The following GRIP1 variants were observed in gnomAD, a reference collection of about 807,000 sequenced individuals.
The protein encoded by GRIP1 is glutamate receptor-interacting protein 1.
Under a neutral mutation model 129.9 loss-of-function variants are expected in GRIP1, and 45 were observed. The observed-to-expected ratio is 0.35, with a 90% CI of 0.27 to 0.44. The LOEUF (loss-of-function observed/expected upper bound fraction) is 0.44, where lower values mean the gene tolerates loss of function less well. GRIP1 is among the 20% of genes least tolerant of loss of function. The probability of loss-of-function intolerance (pLI) is 1.00; values close to 1 mark genes in which losing one functional copy is unlikely to be tolerated. For synonymous variants in GRIP1, 530 were observed against 520.8 expected, an observed-to-expected ratio of 1.02 and a Z score of -0.24; for missense variants, 1,196 against 1,396.8, an observed-to-expected ratio of 0.86 and a Z score of 2.29.
chr12:66,585,052 T>G (rs980046297), intron 2 of GRIP1, among the ~76,000 whole-genome samples: 3 of 152,084 alleles, frequency 2.0e-5, no homozygotes, highest in African/African-American at 7.2e-5. Flanking sequence ...TATATTTGAT[T>G]ATTTTATTAT....
chr12:66,747,733 A>G (rs1183067256), intron 1 of GRIP1, among the ~76,000 whole-genome samples: 3 of 152,180 alleles, frequency 2.0e-5, no homozygotes, highest in Admixed American at 1.3e-4. Flanking sequence ...TGGGTTTAAT[A>G]ATACCAACAT....
intron 1 of GRIP1, among the ~76,000 whole-genome samples, chr12:66,946,770 G>A (rs1214138801): frequency 3.4e-4 from 39 of 113,062 alleles, no homozygotes; most frequent in Non-Finnish European, 5.5e-4. Context: ...GGGGGTCGGG[G>A]GGTGGGGTGG....
intron 2 of GRIP1, among the ~76,000 whole-genome samples, chr12:66,577,823 C>T (rs990282556): frequency 1.3e-5 from 2 of 152,132 alleles, no homozygotes; most frequent in Admixed American, 6.6e-5. Context: ...GGCATAGTGG[C>T]ATGTGCCTGT....
intron 1 of GRIP1, among the ~76,000 whole-genome samples, chr12:67,029,931 G>A (rs1412283141): frequency 6.6e-6 from 1 of 151,822 alleles, no homozygotes; most frequent in Non-Finnish European, 1.5e-5. Flanking sequence ...CTGGCGCGGT[G>A]GCTCACGCCT....
At chr12:66,428,087 C>T (rs1019969984) in intron 14 of GRIP1, among the ~76,000 whole-genome samples, 1 of 152,164 alleles carries the variant, frequency 6.6e-6, no homozygotes. Context: ...CGCTGAAAAT[C>T]CTAGTGTCAC....
chr12:66,532,386 TC>T (rs1220182243), intron 4 of GRIP1, among the ~76,000 whole-genome samples: 1 of 152,168 alleles, frequency 6.6e-6, no homozygotes, highest in African/African-American at 2.4e-5. Flanking sequence ...GCAAAAATTC[TC>T]CTCGGTCTTT....
intron 1 of GRIP1, among the ~76,000 whole-genome samples, chr12:67,051,474 C>T (rs996726552): frequency 1.3e-5 from 2 of 152,158 alleles, no homozygotes; most frequent in African/African-American, 4.8e-5. Flanking sequence ...TTCCGTAATC[C>T]TACTGTGACT....
chr12:66,845,182 C>A (rs2039791238), intron 1 of GRIP1, among the ~76,000 whole-genome samples: 1 of 152,146 alleles, frequency 6.6e-6, no homozygotes, highest in African/African-American at 2.4e-5. Flanking sequence ...AGGGTCTGGG[C>A]ATGGTGACTC....
At chr12:66,422,245 C>A (rs911224036) in intron 14 of GRIP1, among the ~76,000 whole-genome samples, 18 of 152,176 alleles carry the variant, frequency 1.2e-4, no homozygotes, top group African/African-American at 4.3e-4. Context: ...TACCCACTGT[C>A]TAAATTAGTC....
rs1174970694 is a variant in GRIP1, at chr12:66,349,069, G to T, written c.3337C>A (p.Pro1113Thr). Residue 1113 changes from proline to threonine, a missense_variant, in exon 25 of 25, where the codon CCT (proline) becomes ACT (threonine). Around this residue, in one of 5 missense-constraint regions of GRIP1, gnomAD observed 427 missense variants for 463.3 expected, o/e 0.92. Coordinates refer to ENST00000359742, the MANE Select transcript of GRIP1 (RefSeq NM_001366722.1). The part of the protein sequence containing the change: ...SEQNSAFFQQ[P>T]SHGGNLETRE... ...GTCTCCAAATTACCACCGTGGCTAG[G>T]CTGCTGGAAAAAAGCACTGTTCTGT... The T allele has an allele frequency of 2.5e-6, 4 of 1,613,950 alleles. No homozygotes were observed. The highest frequency in any genetic ancestry group is 1.3e-5 in the African/African-American group (1 of 74,894).
At chr12:66,621,346 G>T (rs1482371141) in intron 1 of GRIP1, among the ~76,000 whole-genome samples, 2 of 152,112 alleles carry the variant, frequency 1.3e-5, no homozygotes, top group East Asian at 3.9e-4. Flanking sequence ...CTCACATAGG[G>T]CAGTGACATA....
intron 1 of GRIP1, among the ~76,000 whole-genome samples, chr12:66,929,923 T>G (rs1215980853): frequency 6.6e-6 from 1 of 152,202 alleles, no homozygotes; most frequent in Non-Finnish European, 1.5e-5. Context: ...ACTACATTTT[T>G]CATTATGCCA....
intron 14 of GRIP1, among the ~76,000 whole-genome samples, chr12:66,425,317 G>T (rs1356933374): frequency 2.0e-5 from 3 of 152,074 alleles, no homozygotes; most frequent in Admixed American, 2.0e-4. Context: ...AAAAAGTCAG[G>T]AAACAACAGG....
At chr12:66,542,123 G>A (rs2139225476) in intron 2 of GRIP1, among the ~76,000 whole-genome samples, 173 bp from the exon 3 acceptor site, 1 of 152,282 alleles carries the variant, frequency 6.6e-6, no homozygotes, top group South Asian at 2.1e-4. Flanking sequence ...TAATGCTGAG[G>A]CAGATATTCT....
chr12:66,778,828 A>G (rs1247398854), intron 1 of GRIP1, among the ~76,000 whole-genome samples: 2 of 152,202 alleles, frequency 1.3e-5, no homozygotes, highest in Non-Finnish European at 2.9e-5. Flanking sequence ...AGACATAGGA[A>G]AGGGAAAGGG....
intron 1 of GRIP1, among the ~76,000 whole-genome samples, chr12:66,880,588 T>A (rs955819288): frequency 2.0e-5 from 3 of 152,068 alleles, no homozygotes; most frequent in African/African-American, 7.2e-5. Context: ...TTTATAAGGA[T>A]TCAATGGCTA....
intron 1 of GRIP1, among the ~76,000 whole-genome samples, chr12:66,708,328 A>C (rs984119018): frequency 1.9e-4 from 29 of 151,984 alleles, no homozygotes; most frequent in African/African-American, 6.8e-4. Flanking sequence ...TTAAAGAAAA[A>C]AAAATCCTAA....
At chr12:66,480,425 T>A (rs1477089904) in intron 7 of GRIP1, among the ~76,000 whole-genome samples, 2 of 152,002 alleles carry the variant, frequency 1.3e-5, no homozygotes, top group Non-Finnish European at 2.9e-5. Flanking sequence ...CAAAAACAAA[T>A]GGAAAAACAT....
intron 1 of GRIP1, among the ~76,000 whole-genome samples, chr12:66,863,457 T>C (rs1461030850): frequency 6.6e-6 from 1 of 152,158 alleles, no homozygotes; most frequent in Non-Finnish European, 1.5e-5. Flanking sequence ...TAAGTGTGTT[T>C]AGTCATCAGA....
Sources: gnomAD v4.1 joint callset for allele counts (sites outside exome capture counted in the v4.1 genomes callset) on GRCh38, gnomAD v4.1.1 for gene constraint, gnomAD v4.1.1 regional missense constraint, MANE v1.5 for transcripts, NCBI Gene and HGNC (gene_info 2026-07-23, HGNC 2026-07-21) for gene names.